Variants in TRIM5 observed in about 807,000 individuals in gnomAD.
TRIM5 encodes the protein tripartite motif containing 5, also known as tripartite motif-containing protein 5.
TRIM5 carries 31 observed loss-of-function variants against 35.6 expected under a neutral mutation model. The observed-to-expected ratio is 0.87, with a 90% CI of 0.65 to 1.18. The LOEUF is 1.18. Ranked by LOEUF, TRIM5 falls within the 50% of genes most tolerant of loss-of-function variation. The pLI, the probability that TRIM5 is intolerant of heterozygous loss-of-function variation, is 0.00. For synonymous variants in TRIM5, 243 were observed against 215.6 expected (o/e 1.13, Z -1.11); for missense variants, 609 against 591.6 (o/e 1.03, Z -0.31).
the TRIM5 span, among the ~76,000 whole-genome samples, chr11:5,653,134 G>A: frequency 2.6e-5 from 4 of 152,190 alleles, no homozygotes; most frequent in East Asian, 7.7e-4. Flanking sequence ...TTACAGGCAT[G>A]AGCCACTGTA....
chr11:5,679,079 A>G lies in TRIM5; in HGVS notation c.508T>C (p.Trp170Arg), dbSNP rs553729821. 2.0e-5 allele frequency: 32 copies of G among 1,613,688 alleles called. No individual in the cohort carries two copies. Among genetic ancestry groups the G allele is most frequent in the Non-Finnish European group, 2.7e-5 (32 of 1,179,812 alleles). ...CGGGAACCACATCCTCTTGCCTTCCAGGAAGCTTTCTCTTCTCTGATGTCA... is the reference window on the plus strand; with the variant it reads ...CGGGAACCACATCCTCTTGCCTTCCGGGAAGCTTTCTCTTCTCTGATGTCA... Reference protein sequence around the residue: ...EADIREEKASWKTQIQYDKTN... With the variant: ...EADIREEKASRKTQIQYDKTN... Residue 170 changes from tryptophan (W) to arginine (R), a missense_variant, in exon 3 of 8, where the codon TGG becomes CGG. Physicochemically the swap from Trp to Arg is moderately radical, Grantham distance 101. Transcript: ENST00000380034.
At chr11:5,636,958 AAC>A in the TRIM5 span, among the ~76,000 whole-genome samples, 1 of 152,182 alleles carries the variant, frequency 6.6e-6, no homozygotes, top group Admixed American at 6.5e-5. Context: ...CATCCTGGCT[AAC>A]ACAGTGAAAC....
At chr11:5,682,980 C>T (rs12800584) in intron 1 of TRIM5, among the ~76,000 whole-genome samples, 1 of 151,752 alleles carries the variant, frequency 6.6e-6, no homozygotes, top group South Asian at 2.1e-4. Context: ...GGCTGCGCGC[C>T]GCGCTTGTGG....
the TRIM5 span, chr11:5,626,527 G>T: frequency 1.3e-5 from 2 of 152,146 alleles, no homozygotes; most frequent in Non-Finnish European, 2.9e-5. Flanking sequence ...TTTTTCCCAC[G>T]GGCTTAAAAG....
chr11:5,655,683 A>T, the TRIM5 span: 1 of 985,422 alleles, frequency 1.0e-6, no homozygotes, highest in Non-Finnish European at 1.2e-6. Flanking sequence ...GTTTTTAGTG[A>T]CGTCATCTGG....
chr11:5,608,946 A>G, the TRIM5 span, among the ~76,000 whole-genome samples: 1 of 144,558 alleles, frequency 6.9e-6, no homozygotes, highest in Non-Finnish European at 1.5e-5. Flanking sequence ...CTGCCCGTGA[A>G]TTTTATCAGA....
the TRIM5 span, chr11:5,610,976 G>T: frequency 1.2e-6 from 2 of 1,614,110 alleles, no homozygotes; most frequent in East Asian, 2.2e-5. Flanking sequence ...AGACTGCCTG[G>T]ATCCTGGGGG....
the TRIM5 span, chr11:5,610,331 G>T: frequency 6.3e-7 from 1 of 1,595,348 alleles, no homozygotes. Flanking sequence ...GTCGGTATTT[G>T]AGCATAGTGG....
the TRIM5 span, among the ~76,000 whole-genome samples, chr11:5,654,658 T>C: frequency 5.6e-4 from 85 of 152,310 alleles, no homozygotes; most frequent in African/African-American, 2.0e-3. Flanking sequence ...CACTTTTGAC[T>C]ATTTCTAGTT....
chr11:5,596,502 C>G, the TRIM5 span, among the ~76,000 whole-genome samples: 4 of 122,600 alleles, frequency 3.3e-5, no homozygotes, highest in African/African-American at 1.3e-4. Flanking sequence ...TCCCTTCCCC[C>G]CTTCCCCCGT....
chr11:5,634,807 G>C, the TRIM5 span: 1 of 1,613,652 alleles, frequency 6.2e-7, no homozygotes, highest in Non-Finnish European at 8.5e-7. Context: ...TGGTGAGAGA[G>C]CTCATCTCAG....
At chr11:5,590,552 T>A in the TRIM5 span, 1 of 152,260 alleles carries the variant, frequency 6.6e-6, no homozygotes, top group African/African-American at 2.4e-5. Context: ...ATCTAACTAA[T>A]CTGATGGGGA....
the TRIM5 span, chr11:5,645,742 GA>G: frequency 4.9e-6 from 1 of 205,780 alleles, no homozygotes. Flanking sequence ...TCAAGTCTAG[GA>G]AAAGCTTCAC....
the TRIM5 span, among the ~76,000 whole-genome samples, chr11:5,617,018 T>A: frequency 7.4e-6 from 1 of 135,068 alleles, no homozygotes; most frequent in Admixed American, 7.6e-5. Flanking sequence ...ATTACAGGCA[T>A]AAGCCACCAC....
chr11:5,632,209 T>G, the TRIM5 span: 6 of 1,527,894 alleles, frequency 3.9e-6, no homozygotes, highest in Non-Finnish European at 5.3e-6. Context: ...ATTAGAATGC[T>G]TTTTATTTGT....
At chr11:5,651,562 T>C in the TRIM5 span, among the ~76,000 whole-genome samples, 1 of 152,206 alleles carries the variant, frequency 6.6e-6, no homozygotes. Flanking sequence ...ATTTAGGTTG[T>C]TTCCATGTAT....
the TRIM5 span, chr11:5,596,959 C>A: frequency 6.2e-7 from 1 of 1,613,950 alleles, no homozygotes; most frequent in Non-Finnish European, 8.5e-7. Flanking sequence ...TCACTTCTGG[C>A]AGAGGTGACA....
the TRIM5 span, chr11:5,610,319 T>C: frequency 1.2e-6 from 2 of 1,603,218 alleles, no homozygotes; most frequent in Middle Eastern, 1.7e-4. Context: ...ATAGAGGCTA[T>C]AGTCGGTATT....
At chr11:5,603,575 C>G in the TRIM5 span, 2 of 1,613,934 alleles carry the variant, frequency 1.2e-6, no homozygotes, top group South Asian at 1.1e-5. Flanking sequence ...GTGTTGGGCC[C>G]TGGGAAGCAG....
Sources: gnomAD v4.1 joint callset for allele counts (sites outside exome capture counted in the v4.1 genomes callset) on GRCh38, gnomAD v4.1.1 for gene constraint, MANE v1.5 for transcripts, NCBI Gene and HGNC (gene_info 2026-07-23, HGNC 2026-07-21) for gene names.